Variants in NEUROD2 observed in about 807,000 individuals in gnomAD.
NEUROD2 encodes neurogenic differentiation factor 2.
Under a neutral mutation model 9.3 loss-of-function variants are expected in NEUROD2, and 5 were observed. The ratio of observed to expected loss-of-function variants is 0.54; its 90% CI spans 0.28 to 1.13. NEUROD2 has a LOEUF of 1.13. Among genes scored for constraint, NEUROD2 ranks in the 50% most tolerant of loss-of-function variants. The pLI, the probability that NEUROD2 is intolerant of heterozygous loss-of-function variation, is 0.10. For missense variants in NEUROD2, 376 were observed against 549.2 expected (o/e 0.68, Z 3.15); for synonymous variants, 277 against 257.3 (o/e 1.08, Z -0.73).
In NEUROD2 at chr17:39,606,518, C is replaced by A; in HGVS notation, c.82G>T (p.Glu28Ter). 6.4e-7 allele frequency: 1 copy of A among 1,566,852 alleles called. No individual in the cohort carries two copies. The highest frequency in any genetic ancestry group is 8.6e-7 in the Non-Finnish European group (1 of 1,165,494). ...FASWGDGEDD[E>*]PRSDKGDAPP... ...GCGTCGCCCTTGTCGCTCCTCGGCT[C>A]GTCGTCTTCGCCGTCGCCCCAGCTG... is the stretch of plus-strand genomic sequence containing the variant. The change falls in exon 2 of 2, where the codon GAG becomes TAG. Residue 28 changes from glutamate to a stop codon, truncating the protein, a stop_gained. Coordinates refer to ENST00000302584, the MANE Select transcript of NEUROD2 (RefSeq NM_006160.4). LOFTEE classifies it high-confidence loss of function. The surrounding 1 kb of genome is among the most constrained non-coding windows in gnomAD (Gnocchi z 7.8).
chr17:39,605,363 G>A lies in NEUROD2; in HGVS notation c.*88C>T. The A allele has an allele frequency of 2.1e-6, 3 of 1,432,578 alleles. No individual in the cohort carries two copies. The highest frequency in any genetic ancestry group is 2.8e-5 in the Admixed American group (1 of 35,838). 88.7% of individuals were successfully genotyped at this position (1,432,578 alleles called of 1,614,324 possible). A position where few individuals can be genotyped will look rare whatever the true frequency, so the allele number is the denominator to read the frequency against. On this transcript the variant is annotated 3_prime_UTR_variant, in exon 2 of 2. Transcript: ENST00000302584. The surrounding 1 kb of genome is among the most constrained non-coding windows in gnomAD (Gnocchi z 6.8). ...CCCGCTCCCCGCGCCCGGCGCCGGG[G>A]TAGGATGGGGGTGTCCCTGCGCTCT...
In NEUROD2 at chr17:39,605,991, C is replaced by T; in HGVS notation, c.609G>A (p.Leu203=). Residue 203 remains leucine, a synonymous_variant, in exon 2 of 2, where the codon CTG becomes CTA. Coordinates refer to ENST00000302584, the MANE Select transcript of NEUROD2 (RefSeq NM_006160.4). This position sits in a 1 kb window ranked among gnomAD's most constrained non-coding sequence, Gnocchi z 6.8. ...AGTTGAGCTGCAGACAGCCGGCCAC[C>T]AGATTGGTGGTGGGCTGCGACAGAC... ...CKGLSQPTTN[L]VAGCLQLNSR... 6.2e-7 allele frequency: 1 copy of T among 1,613,900 alleles called. No homozygotes were observed.
Position 39,604,044 on chromosome 17 carries a change from C to T in NEUROD2, c.*1407G>A, listed in dbSNP as rs1443273210. On this transcript the variant is annotated 3_prime_UTR_variant, in exon 2 of 2. Coordinates refer to ENST00000302584, the MANE Select transcript of NEUROD2 (RefSeq NM_006160.4). ...CAGTAGGAGCCCTCAGACCTCTCCCCGCCCACCCACCAGCTAAAGCCAAGA... is the reference window on the plus strand; with the variant it reads ...CAGTAGGAGCCCTCAGACCTCTCCCTGCCCACCCACCAGCTAAAGCCAAGA... 6.5e-6 allele frequency: 1 copy of T among 152,720 alleles called. No homozygotes were observed. Among genetic ancestry groups the T allele is most frequent in the Non-Finnish European group, 1.5e-5 (1 of 68,040 alleles). The allele number at this position is 152,720 out of a possible 1,614,324, so 9.5% of individuals were successfully genotyped here.
In NEUROD2 at chr17:39,605,346, C is replaced by T. The variant is rs2056762918; in HGVS notation, c.*105G>A. 7.1e-7 allele frequency: 1 copy of T among 1,415,792 alleles called. No individual in the cohort carries two copies. The highest frequency in any genetic ancestry group is 2.8e-5 in the Admixed American group (1 of 35,566). 87.7% of individuals were successfully genotyped at this position (1,415,792 alleles called of 1,614,324 possible). ...AGCGGCAGGACCGGTGGCCCGCTCC[C>T]CGCGCCCGGCGCCGGGGTAGGATGG... On this transcript the variant is annotated 3_prime_UTR_variant, in exon 2 of 2. Coordinates refer to ENST00000302584, the MANE Select transcript of NEUROD2 (RefSeq NM_006160.4). This position sits in a 1 kb window ranked among gnomAD's most constrained non-coding sequence, Gnocchi z 6.8.
rs1402709146 is a variant in NEUROD2, at chr17:39,606,826, G to T, written c.-5-222C>A. 2.2e-5 allele frequency: 11 copies of T among 489,982 alleles called. No homozygotes were observed. The highest frequency in any genetic ancestry group is 3.6e-5 in the East Asian group (1 of 27,988). The allele number at this position is 489,982 out of a possible 1,614,324, so 30.4% of individuals were successfully genotyped here. On this transcript the variant is annotated intron_variant, in intron 1 of 1. Coordinates refer to ENST00000302584, the MANE Select transcript of NEUROD2 (RefSeq NM_006160.4). This position sits in a 1 kb window ranked among gnomAD's most constrained non-coding sequence, Gnocchi z 7.8. ...TCTCGGCCCAGGCCCTCTCCCCGGC[G>T]CTGGGCCCCGGCTCCGCCCCTCGCT...
Position 39,605,956 on chromosome 17 carries a change from A to T in NEUROD2, c.644T>A (p.Phe215Tyr). The change falls in exon 2 of 2, where the codon TTC (phenylalanine) becomes TAC (tyrosine). Residue 215 changes from phenylalanine (F) to tyrosine (Y), a missense_variant. Transcript: ENST00000302584. The surrounding 1 kb of genome is among the most constrained non-coding windows in gnomAD (Gnocchi z 6.8). ...AGCLQLNSRNFLTEQGADGAG... is the reference protein window; with the variant it reads ...AGCLQLNSRNYLTEQGADGAG... ...ACCGTCGGCGCCTTGCTCCGTGAGG[A>T]AGTTGCGAGAGTTGAGCTGCAGACA... 1 of 1,612,972 alleles carries T rather than the reference A, an allele frequency of 6.2e-7. No individual in the cohort carries two copies. Among genetic ancestry groups the T allele is most frequent in the Non-Finnish European group, 8.5e-7 (1 of 1,179,840 alleles).
Position 39,606,351 on chromosome 17 carries a change from C to A in NEUROD2, c.249G>T (p.Glu83Asp). The A allele has an allele frequency of 6.3e-7, 1 of 1,580,144 alleles. No individual in the cohort carries two copies. The highest frequency in any genetic ancestry group is 2.3e-5 in the East Asian group (1 of 43,178). The part of the protein sequence containing the change: ...VKEEGELGGE[E>D]EEEEEEEEGL... ...CTTCTTCCTCCTCCTCTTCCTCCTC[C>A]TCCTCTCCCCCCAGCTCGCCTTCCT... The change falls in exon 2 of 2, where the codon GAG becomes GAT. Residue 83 changes from glutamate (E) to aspartate (D), a missense_variant. Coordinates refer to ENST00000302584, the MANE Select transcript of NEUROD2 (RefSeq NM_006160.4). The surrounding 1 kb of genome is among the most constrained non-coding windows in gnomAD (Gnocchi z 7.8).
At chr17:39,607,557 C>T (rs1174124408) in intron 1 of NEUROD2, 171 bp downstream of exon 1, 2 of 971,478 alleles carry the variant, frequency 2.1e-6, no homozygotes, top group African/African-American at 3.5e-5. Context: ...CTCTGCAGCC[C>T]CCTGGGCTGC....
chr17:39,606,492 C>A lies in NEUROD2; in HGVS notation c.108G>T (p.Ala36=). ...DDEPRSDKGD[A]PPPPPPAPGP... ...CGGGCGCAGGCGGTGGCGGTGGCGG[C>A]GCGTCGCCCTTGTCGCTCCTCGGCT... Residue 36 remains alanine, a synonymous_variant, in exon 2 of 2, where the codon GCG becomes GCT. Transcript: ENST00000302584. The surrounding 1 kb of genome is among the most constrained non-coding windows in gnomAD (Gnocchi z 7.8). 1 of 1,541,616 alleles carries A rather than the reference C, an allele frequency of 6.5e-7. No homozygotes were observed. The highest frequency in any genetic ancestry group is 1.9e-5 in the Admixed American group (1 of 51,832).
At position 39,605,352 on chromosome 17, in the gene NEUROD2, C is replaced by T; in HGVS notation, c.*99G>A. 7.0e-7 allele frequency: 1 copy of T among 1,422,420 alleles called. No homozygotes were observed. Among genetic ancestry groups the T allele is most frequent in the Non-Finnish European group, 9.2e-7 (1 of 1,081,936 alleles). 88.1% of individuals were successfully genotyped at this position (1,422,420 alleles called of 1,614,324 possible). On this transcript the variant is annotated 3_prime_UTR_variant, in exon 2 of 2. Coordinates refer to ENST00000302584, the MANE Select transcript of NEUROD2 (RefSeq NM_006160.4). The surrounding 1 kb of genome is among the most constrained non-coding windows in gnomAD (Gnocchi z 6.8). ...AGGACCGGTGGCCCGCTCCCCGCGCCCGGCGCCGGGGTAGGATGGGGGTGT... is the reference window on the plus strand; with the variant it reads ...AGGACCGGTGGCCCGCTCCCCGCGCTCGGCGCCGGGGTAGGATGGGGGTGT...
At position 39,605,385 on chromosome 17, in the gene NEUROD2, C is replaced by T; in HGVS notation, c.*66G>A. ...GGGGTAGGATGGGGGTGTCCCTGCGCTCTGGGGGCTGGGGACAGGGGGGCG... is the reference window on the plus strand; with the variant it reads ...GGGGTAGGATGGGGGTGTCCCTGCGTTCTGGGGGCTGGGGACAGGGGGGCG... On this transcript the variant is annotated 3_prime_UTR_variant, in exon 2 of 2. Transcript: ENST00000302584. This position sits in a 1 kb window ranked among gnomAD's most constrained non-coding sequence, Gnocchi z 6.8. 1 of 1,464,300 alleles carries T rather than the reference C, an allele frequency of 6.8e-7. No homozygotes were observed. 90.7% of individuals were successfully genotyped at this position (1,464,300 alleles called of 1,614,324 possible).
chr17:39,605,604 C>A lies in NEUROD2; in HGVS notation c.996G>T (p.Leu332=), dbSNP rs777961300. 1.2e-6 allele frequency: 2 copies of A among 1,613,728 alleles called. No homozygotes were observed. Among genetic ancestry groups the A allele is most frequent in the South Asian group, 1.1e-5 (1 of 91,064 alleles). The change falls in exon 2 of 2, where the codon CTG becomes CTT. Residue 332 remains leucine, a synonymous_variant. Transcript: ENST00000302584. This position sits in a 1 kb window ranked among gnomAD's most constrained non-coding sequence, Gnocchi z 6.8. ...CGTGGCCCGTGGGCCGCGAACCGGG[C>A]AGCGCCGAGTAGTGCATAGAGTAGT... The part of the protein sequence containing the change: ...SYHYSMHYSA[L]PGSRPTGHGL...
Position 39,606,531 on chromosome 17 carries a change from G to A in NEUROD2, c.69C>T (p.Asp23=). The A allele has an allele frequency of 1.3e-6, 2 of 1,574,236 alleles. No individual in the cohort carries two copies. Among genetic ancestry groups the A allele is most frequent in the South Asian group, 1.1e-5 (1 of 87,972 alleles). Residue 23 remains aspartate, a synonymous_variant, in exon 2 of 2, where the codon GAC becomes GAT. Coordinates refer to ENST00000302584, the MANE Select transcript of NEUROD2 (RefSeq NM_006160.4). The surrounding 1 kb of genome is among the most constrained non-coding windows in gnomAD (Gnocchi z 7.8). ...SDVPKFASWG[D]GEDDEPRSDK... is the part of the protein sequence containing the mutation. Reference sequence around the variant, plus strand: ...CGCTCCTCGGCTCGTCGTCTTCGCCGTCGCCCCAGCTGGCGAACTTGGGCA... The same window carrying A: ...CGCTCCTCGGCTCGTCGTCTTCGCCATCGCCCCAGCTGGCGAACTTGGGCA...
intron 1 of NEUROD2, chr17:39,607,517 C>G (rs529579977): frequency 5.5e-6 from 4 of 730,494 alleles, no homozygotes; most frequent in African/African-American, 3.8e-5. Context: ...CTTCCCCCCC[C>G]ACCGAGCCCA....
Position 39,606,873 on chromosome 17 carries a change from C to G in NEUROD2, c.-5-269G>C. The stretch of plus-strand genomic sequence containing the variant: ...CGCTTGAATGGGGGGCTGCTCCCCG[C>G]GCCTGCTTCTTCTCAGGGTCAGGGC... On this transcript the variant is annotated intron_variant, in intron 1 of 1. Transcript: ENST00000302584. This position sits in a 1 kb window ranked among gnomAD's most constrained non-coding sequence, Gnocchi z 7.8. The G allele has an allele frequency of 2.3e-6, 1 of 433,012 alleles. No individual in the cohort carries two copies. Among genetic ancestry groups the G allele is most frequent in the Non-Finnish European group, 4.1e-6 (1 of 246,412 alleles). The allele number at this position is 433,012 out of a possible 1,614,324, so 26.8% of individuals were successfully genotyped here.
rs758478170 is a variant in NEUROD2, at chr17:39,606,159, C to T, written c.441G>A (p.Val147=). The change falls in exon 2 of 2, where the codon GTG becomes GTA. Residue 147 remains valine, a synonymous_variant. Coordinates refer to ENST00000302584, the MANE Select transcript of NEUROD2 (RefSeq NM_006160.4). This position sits in a 1 kb window ranked among gnomAD's most constrained non-coding sequence, Gnocchi z 7.8. The stretch of plus-strand genomic sequence containing the variant: ...TCTGCGTCTTGGAGTAGCAGGGCAC[C>T]ACCTTGCGCAGGTTGTCCAGGGCTG... The part of the protein sequence containing the change: ...LNAALDNLRK[V]VPCYSKTQKL... 2 of 1,613,482 alleles carry T rather than the reference C, an allele frequency of 1.2e-6. No homozygotes were observed. Among genetic ancestry groups the T allele is most frequent in the Non-Finnish European group, 1.7e-6 (2 of 1,179,950 alleles).
chr17:39,605,902 G>C lies in NEUROD2; in HGVS notation c.698C>G (p.Pro233Arg). The part of the protein sequence containing the change: ...GAGRFHGSGG[P>R]FAMHPYPYPC... The stretch of plus-strand genomic sequence containing the variant: ...GTACGGGTAGGGGTGCATGGCGAAC[G>C]GGCCGCCCGAGCCGTGGAAGCGGCC... The change falls in exon 2 of 2, where the codon CCG becomes CGG. Residue 233 changes from proline to arginine, a missense_variant. Physicochemically the swap from Pro to Arg is moderately radical, Grantham distance 103. Coordinates refer to ENST00000302584, the MANE Select transcript of NEUROD2 (RefSeq NM_006160.4). The surrounding 1 kb of genome is among the most constrained non-coding windows in gnomAD (Gnocchi z 6.8). 1 of 1,605,980 alleles carries C rather than the reference G, an allele frequency of 6.2e-7. No homozygotes were observed. The highest frequency in any genetic ancestry group is 8.5e-7 in the Non-Finnish European group (1 of 1,177,558).
In NEUROD2 at chr17:39,605,560, G is replaced by A. The variant is rs767272028; in HGVS notation, c.1040C>T (p.Ser347Leu). The change falls in exon 2 of 2, where the codon TCG becomes TTG. Residue 347 changes from serine to leucine, a missense_variant. This residue lies in a region of NEUROD2 where 193 missense variants were observed against 255.8 expected (regional missense o/e 0.75). Transcript: ENST00000302584. This position sits in a 1 kb window ranked among gnomAD's most constrained non-coding sequence, Gnocchi z 6.8. ...CGAGTGGACGCCCCCGCGCACAGCC[G>A]ACGAGCCGAAGACTAGCCCGTGGCC... ...PTGHGLVFGS[S>L]AVRGGVHSEN... The A allele has an allele frequency of 4.3e-6, 7 of 1,613,590 alleles. No individual in the cohort carries two copies. The highest frequency in any genetic ancestry group is 5.1e-6 in the Non-Finnish European group (6 of 1,179,856).
Position 39,605,335 on chromosome 17 carries a change from TGGCCCGCTCCCCGCGCCC to T in NEUROD2, c.*98_*115del. 1 of 1,348,770 alleles carries T rather than the reference TGGCCCGCTCCCCGCGCCC, an allele frequency of 7.4e-7. No individual in the cohort carries two copies. Among genetic ancestry groups the T allele is most frequent in the Non-Finnish European group, 9.8e-7 (1 of 1,015,778 alleles). 83.6% of individuals were successfully genotyped at this position (1,348,770 alleles called of 1,614,324 possible). ...TGCCCCAGGAGAGCGGCAGGACCGG[TGGCCCGCTCCCCGCGCCC>T]GGCGCCGGGGTAGGATGGGGGTGTC... On this transcript the variant is annotated 3_prime_UTR_variant, in exon 2 of 2. Transcript: ENST00000302584. This position sits in a 1 kb window ranked among gnomAD's most constrained non-coding sequence, Gnocchi z 6.8.
Sources: gnomAD v4.1 joint callset for allele counts on GRCh38, gnomAD v4.1.1 for gene constraint, gnomAD v4.1.1 regional missense constraint, Gnocchi (gnomAD v3.1) non-coding constraint, MANE v1.5 for transcripts, NCBI Gene and HGNC (gene_info 2026-07-23, HGNC 2026-07-21) for gene names.